The following GRK7 variants were observed in gnomAD, a reference collection of about 807,000 sequenced individuals.
GRK7 encodes the protein rhodopsin kinase GRK7.
Under a neutral mutation model 34.1 loss-of-function variants are expected in GRK7, and 24 were observed. The observed-to-expected ratio is 0.70, with a 90% CI of 0.51 to 0.99. The LOEUF is 0.99. GRK7 is among the 50% of genes least tolerant of loss of function. The probability of loss-of-function intolerance (pLI) is 0.00; values close to 1 mark genes in which losing one functional copy is unlikely to be tolerated. For synonymous variants in GRK7, 256 were observed against 279.4 expected, an observed-to-expected ratio of 0.92 and a Z score of 0.84; for missense variants, 644 against 707.3, an observed-to-expected ratio of 0.91 and a Z score of 1.02.
At chr3:141,780,847 C>T (rs1251337513) in intron 4 of GRK7, 36 bp downstream of exon 4, 1 of 1,563,840 alleles carries the variant, frequency 6.4e-7, no homozygotes, top group Non-Finnish European at 8.7e-7. Flanking sequence ...GTGCGGGGCA[C>T]AGAGTTGGAA....
rs748802182 is a variant in GRK7 at position 141,780,770 on chromosome 3, C to T, written c.1009C>T (p.Leu337=). ...LGNCRLSDLG[L]AVEMKGGKPI... ...CAACTGCAGGTTATCTGACCTGGGG[C>T]TGGCCGTGGAGATGAAGGGTGGCAA... The change falls in exon 4 of 6, where the codon CTG becomes TTG. Residue 337 remains leucine (L), a synonymous_variant. Coordinates refer to ENST00000682958, the MANE Select transcript of GRK7 (RefSeq NM_139209.3). 6.2e-7 allele frequency: 1 copy of T among 1,614,142 alleles called. No homozygotes were observed. Among genetic ancestry groups the T allele is most frequent in the East Asian group, 2.2e-5 (1 of 44,872 alleles).
In GRK7 at chr3:141,780,531, C is replaced by T. The variant is rs749472738; in HGVS notation, c.770C>T (p.Ala257Val). The T allele has an allele frequency of 3.1e-6, 5 of 1,614,092 alleles. No homozygotes were observed. In the African/African-American group the frequency reaches 6.7e-5, roughly 22 times the overall value. The change falls in exon 4 of 6, where the codon GCC (alanine) becomes GTC (valine). Residue 257 changes from alanine to valine, a missense_variant. By Grantham distance (64) the Ala-to-Val change is moderately conservative. Coordinates refer to ENST00000682958, the MANE Select transcript of GRK7 (RefSeq NM_139209.3). ...CCTTTCATTGTCTCTCTGGCCTATG[C>T]CTTTGAGAGCAAGACCCATCTCTGC... ...SSPFIVSLAY[A>V]FESKTHLCLV...
At chr3:141,811,744 C>T (rs1413156974) in intron 5 of GRK7, among the ~76,000 whole-genome samples, 1 of 152,176 alleles carries the variant, frequency 6.6e-6, no homozygotes, top group Non-Finnish European at 1.5e-5. Flanking sequence ...AAGGCAAATG[C>T]CTCGACAGCA....
intron 3 of GRK7, among the ~76,000 whole-genome samples, chr3:141,779,353 T>C (rs1217743469): frequency 7.2e-6 from 1 of 138,224 alleles, no homozygotes; most frequent in African/African-American, 2.8e-5. Flanking sequence ...GAGGTGGAGG[T>C]TGCAGTGAGC....
chr3:141,796,544 C>T (rs2107887316), intron 4 of GRK7, among the ~76,000 whole-genome samples: 1 of 152,326 alleles, frequency 6.6e-6, no homozygotes, highest in Admixed American at 6.5e-5. Context: ...CTGCGAGGCA[C>T]AGGGAGCCAG....
chr3:141,815,032 C>A (rs1284091561), intron 5 of GRK7, among the ~76,000 whole-genome samples: 1 of 148,434 alleles, frequency 6.7e-6, no homozygotes, highest in Non-Finnish European at 1.5e-5. Flanking sequence ...TCAAGCAATT[C>A]TCTTGCCTCA....
chr3:141,755,246 T>C, the GRK7 span, among the ~76,000 whole-genome samples: 1 of 152,334 alleles, frequency 6.6e-6, no homozygotes, highest in Middle Eastern at 3.4e-3. Flanking sequence ...CTTACACCTA[T>C]AATCCTAGCT....
At chr3:141,789,656 C>CAAAAAAAAAAA (rs60765509) in intron 4 of GRK7, among the ~76,000 whole-genome samples, 184 of 118,754 alleles carry the variant, frequency 1.5e-3, no homozygotes, top group Non-Finnish European at 1.8e-3. Context: ...GCCAAATGGG[C>CAAAAAAAAAAA]AAAAAAAAAA....
At chr3:141,752,643 G>GTA in the GRK7 span, among the ~76,000 whole-genome samples, 1 of 152,152 alleles carries the variant, frequency 6.6e-6, no homozygotes, top group East Asian at 1.9e-4. Flanking sequence ...AGAGCTTTAT[G>GTA]TATATTAACT....
chr3:141,791,902 G>A (rs148959674), intron 4 of GRK7, among the ~76,000 whole-genome samples: 2 of 150,584 alleles, frequency 1.3e-5, no homozygotes, highest in Non-Finnish European at 2.9e-5. Flanking sequence ...TACTTGGGAA[G>A]CTGAGGTAGG....
At chr3:141,776,807 T>C (rs926298946) in intron 2 of GRK7, among the ~76,000 whole-genome samples, 9 of 151,988 alleles carry the variant, frequency 5.9e-5, no homozygotes, top group African/African-American at 2.2e-4. Context: ...TCTCCCTCTC[T>C]CTTTTTTTTG....
In GRK7 at chr3:141,780,951, T is replaced by C. The variant is rs543699771; in HGVS notation, c.1050+140T>C. The C allele has an allele frequency of 3.6e-5, 26 of 714,040 alleles. No individual in the cohort carries two copies. In the African/African-American group the frequency reaches 3.8e-4, roughly 10 times the overall value. The allele number at this position is 714,040 out of a possible 1,614,324, so 44.2% of individuals were successfully genotyped here. On this transcript the variant is annotated intron_variant, in intron 4 of 5. Coordinates refer to ENST00000682958, the MANE Select transcript of GRK7 (RefSeq NM_139209.3). The stretch of plus-strand genomic sequence containing the variant: ...TCCTAAAGCGCTTACGTTGTCATCT[T>C]GCCTTAAGATGAGTGGTGTAAGAGG...
chr3:141,772,708 C>T (rs1024308514), intron 1 of GRK7, among the ~76,000 whole-genome samples: 8 of 152,094 alleles, frequency 5.3e-5, no homozygotes, highest in Admixed American at 1.3e-4. Context: ...AATGAAAGAC[C>T]TGGGCAAGAG....
At chr3:141,757,060 T>C in the GRK7 span, among the ~76,000 whole-genome samples, 5 of 151,972 alleles carry the variant, frequency 3.3e-5, no homozygotes, top group Non-Finnish European at 5.9e-5. Flanking sequence ...ACGAAAATTT[T>C]AGTGTAGCCT....
intron 4 of GRK7, among the ~76,000 whole-genome samples, chr3:141,788,448 T>C (rs2084707185): frequency 6.6e-6 from 1 of 152,138 alleles, no homozygotes. Context: ...CCTGGCCTCT[T>C]ACCTGGGCTC....
intron 1 of GRK7, among the ~76,000 whole-genome samples, chr3:141,773,505 T>G (rs1353478562): frequency 6.6e-6 from 1 of 152,168 alleles, no homozygotes; most frequent in African/African-American, 2.4e-5. Context: ...TTATGATGAT[T>G]ATTATTTATT....
intron 5 of GRK7, among the ~76,000 whole-genome samples, chr3:141,815,699 CTGTGTGTGTGTGTG>C (rs61336912): frequency 1.4e-5 from 2 of 145,912 alleles, no homozygotes; most frequent in Non-Finnish European, 3.0e-5. Flanking sequence ...CTATTTTGAG[CTGTGTGTGTGTGTG>C]TGTGTGTGTG....
At chr3:141,798,315 G>A (rs1423424455) in intron 4 of GRK7, among the ~76,000 whole-genome samples, 1 of 152,230 alleles carries the variant, frequency 6.6e-6, no homozygotes, top group East Asian at 1.9e-4. Context: ...GCTAAACCCC[G>A]TGAGGTCTGT....
chr3:141,752,996 G>A, the GRK7 span, among the ~76,000 whole-genome samples: 3 of 152,098 alleles, frequency 2.0e-5, no homozygotes, highest in East Asian at 5.8e-4. Context: ...CCCAAATTGT[G>A]AGAAAATACA....
Sources: allele counts gnomAD v4.1 joint callset (sites outside exome capture counted in the v4.1 genomes callset), GRCh38; gene constraint gnomAD v4.1.1; transcripts MANE v1.5; gene names NCBI Gene and HGNC (gene_info 2026-07-23, HGNC 2026-07-21).